The following ZNF479 variants were observed in gnomAD, a reference collection of about 807,000 sequenced individuals.
ZNF479 encodes the protein zinc finger protein 479, also known as KRAB zinc finger protein KR19.
ZNF479 carries 15 observed loss-of-function variants against 14.7 expected under a neutral mutation model. That is an observed-to-expected ratio of 1.02 (90% CI 0.68 to 1.57). ZNF479 has a LOEUF of 1.57. ZNF479 is among the 40% of genes most tolerant of loss of function. ZNF479 has a pLI of 0.00. For synonymous variants in ZNF479, 145 were observed against 211.5 expected (o/e 0.69, Z 2.73); for missense variants, 506 against 615.1 (o/e 0.82, Z 1.88).
intron 3 of ZNF479, among the ~76,000 whole-genome samples, chr7:57,124,881 C>G (rs1469492166): frequency 1.3e-5 from 2 of 152,094 alleles, no homozygotes; most frequent in Non-Finnish European, 2.9e-5. Context: ...TCAAGACCAG[C>G]CTGACCAACA....
chr7:57,125,633 C>G (rs1440366890), intron 3 of ZNF479, among the ~76,000 whole-genome samples: 1 of 151,056 alleles, frequency 6.6e-6, no homozygotes, highest in Admixed American at 6.6e-5. Flanking sequence ...GAAAGAGAAA[C>G]TACTATTCTC....
At chr7:57,128,788 A>T (rs62464813) in intron 1 of ZNF479, among the ~76,000 whole-genome samples, 43,349 of 152,136 alleles carry the variant, frequency 0.28, 7,151 homozygotes, top group East Asian at 0.53. Context: ...AATTTGCAAG[A>T]TCTGAACACA....
At chr7:57,138,908 G>A (rs1269852575) in intron 1 of ZNF479, among the ~76,000 whole-genome samples, 3 of 152,140 alleles carry the variant, frequency 2.0e-5, no homozygotes, top group Admixed American at 6.5e-5. Context: ...GAGGGATGTT[G>A]ACCAATTTCT....
upstream of ZNF479, among the ~76,000 whole-genome samples, chr7:57,132,523 G>T (rs1030145747): frequency 1.3e-5 from 2 of 152,090 alleles, no homozygotes; most frequent in African/African-American, 4.8e-5. Context: ...GATTGGATAA[G>T]GTTTCAGGCC....
intron 1 of ZNF479, 49 bp from the exon 2 acceptor site, chr7:57,126,767 A>G (rs373377221): frequency 1.2e-6 from 2 of 1,612,144 alleles, no homozygotes; most frequent in African/African-American, 1.3e-5. Flanking sequence ...AGCACTTACC[A>G]CACGGCCATA....
chr7:57,133,067 G>C (rs1465309184), upstream of ZNF479, among the ~76,000 whole-genome samples: 1 of 152,174 alleles, frequency 6.6e-6, no homozygotes, highest in African/African-American at 2.4e-5. Flanking sequence ...CCAGGGGGTG[G>C]AGGTTGCAGT....
chr7:57,130,984 A>G (rs1403877379), intron 1 of ZNF479, among the ~76,000 whole-genome samples: 3 of 152,188 alleles, frequency 2.0e-5, no homozygotes, highest in Admixed American at 2.0e-4. Context: ...CATTATTTTT[A>G]GAAAACTAGT....
Position 57,123,921 on chromosome 7 carries a change from G to T in ZNF479, c.262+2097C>A, listed in dbSNP as rs540219312. ...ACTAAAAAGAAAAAAAGTAATACTG[G>T]CAAATCAAAAATACATGGAAATAAA... On this transcript the variant is annotated intron_variant, in intron 3 of 3. Coordinates refer to ENST00000319636, the MANE Select transcript of ZNF479 (RefSeq NM_001370129.2). Among the ~76,000 whole-genome samples the T allele has an allele frequency of 4.9e-3, 748 of 151,508 alleles. 2 individuals are homozygous for T. The highest frequency in any genetic ancestry group is 7.8e-3 in the Non-Finnish European group (530 of 67,836).
Position 57,126,127 on chromosome 7 carries a change from A to C in ZNF479, c.167-14T>G. The C allele has an allele frequency of 6.3e-7, 1 of 1,581,940 alleles. No individual in the cohort carries two copies. The highest frequency in any genetic ancestry group is 8.5e-7 in the Non-Finnish European group (1 of 1,170,594). On this transcript the variant is annotated splice_polypyrimidine_tract_variant and intron_variant, in intron 2 of 3. Transcript: ENST00000319636. ...AGACAGCAATACCTGTTTTATTAAG[A>C]AAAAAAAGTAACATAGATCATGCTG...
chr7:57,137,292 C>T (rs1244524808), upstream of ZNF479, among the ~76,000 whole-genome samples: 1 of 152,122 alleles, frequency 6.6e-6, no homozygotes, highest in Middle Eastern at 3.2e-3. Flanking sequence ...TCCACCACTA[C>T]ACCTGGCTGC....
chr7:57,137,165 A>T (rs1786687192), upstream of ZNF479, among the ~76,000 whole-genome samples: 1 of 152,114 alleles, frequency 6.6e-6, no homozygotes, highest in Non-Finnish European at 1.5e-5. Context: ...AGTCAGCTTA[A>T]TTGTATTATT....
exon 1 of ZNF479, chr7:57,139,768 A>C (rs1197439732): frequency 1.3e-5 from 2 of 152,192 alleles, no homozygotes; most frequent in African/African-American, 4.8e-5. Flanking sequence ...CCTTTAACCC[A>C]AATGATATAA....
In ZNF479 at chr7:57,118,240, A is replaced by G. The variant is rs765811593; in HGVS notation, c.*1600T>C. The stretch of plus-strand genomic sequence containing the variant: ...CTTCAAATTTTTCCTTTAATATAAA[A>G]TGTGTACAATAAAATCTGTAATGGA... On this transcript the variant is annotated 3_prime_UTR_variant, in exon 4 of 4. Transcript: ENST00000319636. Among the ~76,000 whole-genome samples the G allele has an allele frequency of 6.6e-6, 1 of 152,280 alleles. No homozygotes were observed. The highest frequency in any genetic ancestry group is 1.5e-5 in the Non-Finnish European group (1 of 68,046).
At chr7:57,131,132 A>T (rs1786400043) in intron 1 of ZNF479, among the ~76,000 whole-genome samples, 1 of 152,210 alleles carries the variant, frequency 6.6e-6, no homozygotes, top group Admixed American at 6.5e-5. Flanking sequence ...GAGGATGAAG[A>T]AAATCAGAAA....
upstream of ZNF479, among the ~76,000 whole-genome samples, chr7:57,134,809 G>A (rs560840652): frequency 3.0e-4 from 46 of 151,752 alleles, no homozygotes; most frequent in African/African-American, 1.1e-3. Context: ...GGAGTAGCTG[G>A]GATTACAGGC....
At chr7:57,132,250 C>T (rs779047438) in intron 1 of ZNF479, 36 bp downstream of exon 1, 2 of 1,613,986 alleles carry the variant, frequency 1.2e-6, no homozygotes, top group East Asian at 2.2e-5. Context: ...CAATCAGCCC[C>T]CACCCCTCTC....
At chr7:57,127,026 C>CTTTTTTTTTTTTTTTTTTTT in intron 1 of ZNF479, among the ~76,000 whole-genome samples, 1 of 77,938 alleles carries the variant, frequency 1.3e-5, no homozygotes, top group South Asian at 5.1e-4. Flanking sequence ...TTTTTTTTTT[C>CTTTTTTTTTTTTTTTTTTTT]TTTTTTTTTT....
At chr7:57,134,912 T>C (rs1786580980), upstream of ZNF479, among the ~76,000 whole-genome samples, 1 of 152,112 alleles carries the variant, frequency 6.6e-6, no homozygotes, top group African/African-American at 2.4e-5. Flanking sequence ...TGACCTCAAG[T>C]GATCCTCCCG....
intron 3 of ZNF479, 150 bp downstream of exon 3, chr7:57,125,868 T>C (rs571901827): frequency 4.6e-6 from 4 of 861,490 alleles, no homozygotes; most frequent in Non-Finnish European, 5.3e-6. Context: ...GAGGTGTCCC[T>C]ATGTGAGAGC....
Sources: gnomAD v4.1 joint callset for allele counts (sites outside exome capture counted in the v4.1 genomes callset) on GRCh38, gnomAD v4.1.1 for gene constraint, MANE v1.5 for transcripts, NCBI Gene and HGNC (gene_info 2026-07-23, HGNC 2026-07-21) for gene names.